Variants in PHLDB3 observed in about 807,000 individuals in gnomAD.
PHLDB3 encodes pleckstrin homology-like domain family B member 3.
Under a neutral mutation model 85.7 loss-of-function variants are expected in PHLDB3, and 86 were observed. The observed-to-expected ratio is 1.00, with a 90% CI of 0.84 to 1.20. The LOEUF is 1.20. Ranked by LOEUF, PHLDB3 falls within the 50% of genes most tolerant of loss-of-function variation. PHLDB3 has a pLI of 0.00. For synonymous variants in PHLDB3, 376 were observed against 349.8 expected, an observed-to-expected ratio of 1.07 and a Z score of -0.83; for missense variants, 995 against 873.0, an observed-to-expected ratio of 1.14 and a Z score of -1.76.
intron 2 of PHLDB3, among the ~76,000 whole-genome samples, chr19:43,503,067 T>C (rs1045151964): frequency 2.0e-5 from 3 of 152,158 alleles, no homozygotes; most frequent in Non-Finnish European, 2.9e-5. Flanking sequence ...TTTTGTCTAT[T>C]TGTTTCTCTG....
intron 9 of PHLDB3, among the ~76,000 whole-genome samples, chr19:43,489,069 G>T (rs1158835895): frequency 2.6e-5 from 4 of 152,096 alleles, no homozygotes; most frequent in Non-Finnish European, 5.9e-5. Flanking sequence ...CAAAGTGCTG[G>T]GATTACAGGC....
chr19:43,488,518 C>T (rs1361432134), intron 9 of PHLDB3, among the ~76,000 whole-genome samples: 1 of 151,966 alleles, frequency 6.6e-6, no homozygotes, highest in Non-Finnish European at 1.5e-5. Context: ...TGTAGGAAAC[C>T]CAGATGCCCT....
chr19:43,481,499 T>C (rs1487614900), intron 13 of PHLDB3, among the ~76,000 whole-genome samples: 11 of 152,026 alleles, frequency 7.2e-5, no homozygotes, highest in African/African-American at 2.7e-4. Flanking sequence ...ATGCCTGTAA[T>C]CCCAGCTACT....
In PHLDB3 at chr19:43,475,640, T is replaced by G. The variant is rs1188689792; in HGVS notation, c.1789-96A>C. ...TTGCTACTTATAGTCTGTGTGGCAC[T>G]GGACAAGGTACTTAAGTATCTGAAT... On this transcript the variant is annotated intron_variant, in intron 15 of 15. Transcript: ENST00000292140. 7 of 1,469,100 alleles carry G rather than the reference T, an allele frequency of 4.8e-6. No homozygotes were observed. The African/African-American group carries it at 8.4e-5, about 18-fold the overall frequency. 91.0% of individuals were successfully genotyped at this position (1,469,100 alleles called of 1,614,324 possible). A position where few individuals can be genotyped will look rare whatever the true frequency, so the allele number is the denominator to read the frequency against.
At position 43,497,261 on chromosome 19, in the gene PHLDB3, C is replaced by A; in HGVS notation, c.682G>T (p.Val228Leu). 6.7e-7 allele frequency: 1 copy of A among 1,483,998 alleles called. No homozygotes were observed. Among genetic ancestry groups the A allele is most frequent in the South Asian group, 1.4e-5 (1 of 69,792 alleles). The allele number at this position is 1,483,998 out of a possible 1,614,324, so 91.9% of individuals were successfully genotyped here. A position where few individuals can be genotyped will look rare whatever the true frequency, so the allele number is the denominator to read the frequency against. ...GVQEMREQLDVAQRAYEDLEF... is the reference protein window; with the variant it reads ...GVQEMREQLDLAQRAYEDLEF... ...AGGTCCTCATAGGCACGTTGGGCCACATCCAGTTGTTCCCTCATCTATAGG... is the reference window on the plus strand; with the variant it reads ...AGGTCCTCATAGGCACGTTGGGCCAAATCCAGTTGTTCCCTCATCTATAGG... The change falls in exon 6 of 16, where the codon GTG becomes TTG. Residue 228 changes from valine to leucine, a missense_variant. Transcript: ENST00000292140.
rs1024288797 is a variant in PHLDB3 at position 43,502,050 on chromosome 19, C to G, written c.396+51G>C. On this transcript the variant is annotated intron_variant, in intron 3 of 15. Transcript: ENST00000292140. The stretch of plus-strand genomic sequence containing the variant: ...GGAAAAAGCTGGGAGTCCGGCTTTG[C>G]GGGTTCCGCTTGAGTTGGGGCCAGG... 3.3e-6 allele frequency: 5 copies of G among 1,533,322 alleles called. No individual in the cohort carries two copies. In the African/African-American group the frequency reaches 6.9e-5, roughly 21 times the overall value. The allele number at this position is 1,533,322 out of a possible 1,614,324, so 95.0% of individuals were successfully genotyped here. A position where few individuals can be genotyped will look rare whatever the true frequency, so the allele number is the denominator to read the frequency against.
At chr19:43,496,905 T>A (rs2682547) in intron 6 of PHLDB3, 1 of 710,234 alleles carries the variant, frequency 1.4e-6, no homozygotes, top group Non-Finnish European at 2.0e-6. Context: ...ACTTGCCTCA[T>A]AAGTTTGTTG....
chr19:43,502,091 G>A lies in PHLDB3; in HGVS notation c.396+10C>T. On this transcript the variant is annotated intron_variant, in intron 3 of 15. Transcript: ENST00000292140. ...TGGGGCCAGGCTTCCCAAGGGGTCCGCAGCCTCACCTCGATCCTCAGCTCC... is the reference window on the plus strand; with the variant it reads ...TGGGGCCAGGCTTCCCAAGGGGTCCACAGCCTCACCTCGATCCTCAGCTCC... 3.8e-6 allele frequency: 6 copies of A among 1,563,482 alleles called. No individual in the cohort carries two copies. The highest frequency in any genetic ancestry group is 5.2e-6 in the Non-Finnish European group (6 of 1,154,600).
rs1471684658 is a variant in PHLDB3 at position 43,495,543 on chromosome 19, G to A, written c.903C>T (p.Ser301=). ...CCTCCTTCTTCCGGCTCAACCCCCG[G>A]CTCTCGGCTGCCATCTGCTCCCCCA... ...KSLGEQMAAE[S]RGLSRKKEEA... is the part of the protein sequence containing the mutation. The change falls in exon 7 of 16, where the codon AGC becomes AGT. Residue 301 remains serine, a synonymous_variant. Transcript: ENST00000292140. 1.9e-6 allele frequency: 3 copies of A among 1,608,002 alleles called. No homozygotes were observed. The highest frequency in any genetic ancestry group is 2.5e-6 in the Non-Finnish European group (3 of 1,177,376).
intron 15 of PHLDB3, among the ~76,000 whole-genome samples, chr19:43,477,776 C>T (rs1163294842): frequency 6.8e-6 from 1 of 147,350 alleles, no homozygotes; most frequent in Non-Finnish European, 1.5e-5. Context: ...CCACTGTACT[C>T]AGGCCTGGGC....
intron 4 of PHLDB3, among the ~76,000 whole-genome samples, chr19:43,498,564 C>T (rs1383740408): frequency 3.9e-5 from 6 of 152,096 alleles, no homozygotes; most frequent in Non-Finnish European, 7.4e-5. Flanking sequence ...TTATGTGATA[C>T]GGTGGATGCA....
Position 43,497,152 on chromosome 19 carries a change from A to T in PHLDB3, c.791T>A (p.Val264Asp), listed in dbSNP as rs749921827. ...SPGPQVPDPKVQELQASMAQH... is the reference protein window; with the variant it reads ...SPGPQVPDPKDQELQASMAQH... ...CGCCATGCTGGCCTGGAGTTCCTGG[A>T]CCTTGGGGTCTGGCACCTGGGGCCC... The change falls in exon 6 of 16, where the codon GTC (valine) becomes GAC (aspartate). Residue 264 changes from valine (V) to aspartate (D), a missense_variant. Transcript: ENST00000292140. The T allele has an allele frequency of 6.4e-7, 1 of 1,553,712 alleles. No homozygotes were observed. Among genetic ancestry groups the T allele is most frequent in the South Asian group, 1.2e-5 (1 of 84,220 alleles).
intron 13 of PHLDB3, among the ~76,000 whole-genome samples, chr19:43,479,977 A>C (rs1458443316): frequency 6.6e-6 from 1 of 152,038 alleles, no homozygotes; most frequent in Admixed American, 6.6e-5. Context: ...ATCAAAAGAA[A>C]TAAAGATCGG....
chr19:43,496,336 T>G (rs1971457265), intron 6 of PHLDB3: 1 of 152,132 alleles, frequency 6.6e-6, no homozygotes, highest in Non-Finnish European at 1.5e-5. Context: ...TCCAAAACTT[T>G]GGGAAACTCT....
chr19:43,503,794 T>C, intron 2 of PHLDB3, 112 bp downstream of exon 2: 1 of 1,255,720 alleles, frequency 8.0e-7, no homozygotes, highest in African/African-American at 1.5e-5. Flanking sequence ...TCTCTCTCCC[T>C]GTCTCCGGGT....
intron 5 of PHLDB3, 36 bp downstream of exon 5, chr19:43,497,711 CA>C (rs747752856): frequency 7.2e-6 from 11 of 1,529,758 alleles, no homozygotes; most frequent in Non-Finnish European, 2.6e-6. Flanking sequence ...GACTCTGTCT[CA>C]AAAAAAACAA....
Position 43,475,149 on chromosome 19 carries a change from T to G in PHLDB3, c.*261A>C. Reference sequence around the variant, plus strand: ...TAATTCGGTATCACAGGAGCACCAATAAATAGTTTCTTCCCGCCCCTGCAA... The same window carrying G: ...TAATTCGGTATCACAGGAGCACCAAGAAATAGTTTCTTCCCGCCCCTGCAA... On this transcript the variant is annotated 3_prime_UTR_variant, in exon 16 of 16. Coordinates refer to ENST00000292140, the MANE Select transcript of PHLDB3 (RefSeq NM_198850.4). 1 of 432,962 alleles carries G rather than the reference T, an allele frequency of 2.3e-6. No individual in the cohort carries two copies. Among genetic ancestry groups the G allele is most frequent in the Non-Finnish European group, 4.2e-6 (1 of 237,914 alleles). The allele number at this position is 432,962 out of a possible 1,614,324, so 26.8% of individuals were successfully genotyped here.
intron 15 of PHLDB3, 50 bp from the exon 16 acceptor site, chr19:43,475,594 A>G: frequency 6.2e-7 from 1 of 1,610,326 alleles, no homozygotes; most frequent in South Asian, 1.1e-5. Flanking sequence ...CACCGGCCAC[A>G]GTCTGGGTGC....
chr19:43,490,071 G>A (rs1187276514), intron 9 of PHLDB3, among the ~76,000 whole-genome samples: 2 of 142,930 alleles, frequency 1.4e-5, no homozygotes, highest in East Asian at 4.5e-4. Context: ...GGAAGGGAAG[G>A]AGGAAGGGAG....
Sources: gnomAD v4.1 joint callset for allele counts (sites outside exome capture counted in the v4.1 genomes callset) on GRCh38, gnomAD v4.1.1 for gene constraint, MANE v1.5 for transcripts, NCBI Gene and HGNC (gene_info 2026-07-23, HGNC 2026-07-21) for gene names.